Variants in CCDC57 observed in about 807,000 individuals in gnomAD.
CCDC57 encodes coiled-coil domain containing 57, also known as coiled-coil domain-containing protein 57.
A neutral mutation model predicts 118.9 loss-of-function variants in CCDC57; 118 were observed. The ratio of observed to expected loss-of-function variants is 0.99; its 90% CI spans 0.86 to 1.16. The LOEUF (loss-of-function observed/expected upper bound fraction) is 1.16, where lower values mean the gene tolerates loss of function less well. CCDC57 is among the 50% of genes most tolerant of loss of function. The pLI, the probability that CCDC57 is intolerant of heterozygous loss-of-function variation, is 0.00. For missense variants in CCDC57, 1,300 were observed against 1,320.7 expected, an observed-to-expected ratio of 0.98 and a Z score of 0.24; for synonymous variants, 527 against 532.9, an observed-to-expected ratio of 0.99 and a Z score of 0.15.
In CCDC57 at chr17:82,172,608, C is replaced by CCGCTCTGT. The variant is rs1470460597; in HGVS notation, c.1729+22_1729+29dup. 1.3e-6 allele frequency: 2 copies of CCGCTCTGT among 1,538,572 alleles called. No individual in the cohort carries two copies. The highest frequency in any genetic ancestry group is 1.8e-6 in the Non-Finnish European group (2 of 1,137,016). ...CTCCCTCCCTCTCCCCCTTCCTCTC[C>CCGCTCTGT]CGCTCTGTCCGTTTCTCCCACTTAC... On this transcript the variant is annotated intron_variant, in intron 12 of 19. Transcript: ENST00000665763. The surrounding 1 kb of genome is among the most constrained non-coding windows in gnomAD (Gnocchi z 5.2).
intron 11 of CCDC57, 82 bp downstream of exon 10, chr17:82,178,392 T>G (rs575186435): frequency 6.8e-7 from 1 of 1,470,972 alleles, no homozygotes; most frequent in East Asian, 2.4e-5. Context: ...AGCTCCAGTC[T>G]TGGTAGGATT....
chr17:82,177,205 T>A (rs1024377253), intron 11 of CCDC57, among the ~76,000 whole-genome samples: 6 of 151,286 alleles, frequency 4.0e-5, no homozygotes, highest in Admixed American at 6.6e-5. Context: ...AGAAACCCTG[T>A]CTCTACTAAA....
intron 15 of CCDC57, chr17:82,157,492 A>C: frequency 7.1e-7 from 1 of 1,413,130 alleles, no homozygotes; most frequent in Non-Finnish European, 9.2e-7. Context: ...GAGGACTGGG[A>C]TGGGCCCGTC....
chr17:82,161,863 T>C (rs1168637947), intron 14 of CCDC57, among the ~76,000 whole-genome samples: 1 of 152,080 alleles, frequency 6.6e-6, no homozygotes, highest in Non-Finnish European at 1.5e-5. Flanking sequence ...CACTGAAAGG[T>C]ACACTTTAAA....
chr17:82,199,932 TAGAG>T (rs979405315), intron 3 of CCDC57, among the ~76,000 whole-genome samples: 2 of 152,144 alleles, frequency 1.3e-5, no homozygotes, highest in Non-Finnish European at 2.9e-5. Context: ...CGAGATGCGA[TAGAG>T]AGAGGGACCA....
chr17:82,104,958 G>A (rs2034739509), intron 19 of CCDC57: 1 of 152,308 alleles, frequency 6.6e-6, no homozygotes, highest in South Asian at 2.1e-4. Flanking sequence ...AAAGAGGACG[G>A]AGCTGGTCCC....
intron 16 of CCDC57, among the ~76,000 whole-genome samples, chr17:82,140,735 T>C (rs1206112481): frequency 2.0e-5 from 3 of 152,146 alleles, no homozygotes; most frequent in Non-Finnish European, 4.4e-5. Context: ...AGCAGCCACT[T>C]GTAAGGAACC....
intron 13 of CCDC57, among the ~76,000 whole-genome samples, chr17:82,164,681 A>G (rs2043766561): frequency 6.6e-6 from 1 of 152,206 alleles, no homozygotes; most frequent in Admixed American, 6.5e-5. Flanking sequence ...GAAAATTTAG[A>G]TGAAATGGAC....
At chr17:82,179,696 G>A (rs945833247) in intron 9 of CCDC57, among the ~76,000 whole-genome samples, 13 of 152,072 alleles carry the variant, frequency 8.5e-5, no homozygotes, top group Non-Finnish European at 1.5e-4. Flanking sequence ...AGGAACCCGG[G>A]GGCTTCCTCC....
At chr17:82,183,242 G>A (rs1469057983) in intron 9 of CCDC57, among the ~76,000 whole-genome samples, 2 of 152,352 alleles carry the variant, frequency 1.3e-5, no homozygotes, top group South Asian at 2.1e-4. Flanking sequence ...ACTTGAATGT[G>A]TATGGGAAAT....
chr17:82,130,499 CTTTTTT>C lies in CCDC57; in HGVS notation c.2578-1908_2578-1903del, dbSNP rs35413191. On this transcript the variant is annotated intron_variant, in intron 17 of 19. Transcript: ENST00000665763. ...CGTGAGCCACCACACCCAGACAAAA[CTTTTTT>C]TTTTTTTTTTTTTTTGAGATGGAGT... Among the ~76,000 whole-genome samples the C allele has an allele frequency of 4.7e-3, 421 of 88,938 alleles. 4 individuals are homozygous for C. Among genetic ancestry groups the C allele is most frequent in the African/African-American group, 0.018 (398 of 22,024 alleles). The allele number at this position is 88,938 out of a possible 152,430, so 58.3% of individuals were successfully genotyped here.
At chr17:82,211,971 C>T (rs2050202737) in intron 1 of CCDC57, among the ~76,000 whole-genome samples, 1 of 152,178 alleles carries the variant, frequency 6.6e-6, no homozygotes, top group East Asian at 1.9e-4. Flanking sequence ...TATCTTTTAA[C>T]TTTTTGCCTA....
At chr17:82,171,627 T>G in intron 13 of CCDC57, 74 bp downstream of exon 12, 1 of 1,504,224 alleles carries the variant, frequency 6.6e-7, no homozygotes, top group East Asian at 2.3e-5. Flanking sequence ...ATATTTGCTA[T>G]GAGCGGACTT....
chr17:82,151,609 C>A (rs1265268350), exon 16 of CCDC57: 26 of 1,550,310 alleles, frequency 1.7e-5, no homozygotes, highest in Non-Finnish European at 2.0e-5. Flanking sequence ...TCTCGATGAG[C>A]TGCTCTTTCT....
intron 8 of CCDC57, among the ~76,000 whole-genome samples, chr17:82,185,978 T>C (rs1445283335): frequency 6.6e-6 from 1 of 152,160 alleles, no homozygotes. Flanking sequence ...GCTAGGACTA[T>C]AGGTGAGCAC....
chr17:82,163,629 A>G (rs1280272421), intron 13 of CCDC57, among the ~76,000 whole-genome samples: 2 of 152,182 alleles, frequency 1.3e-5, no homozygotes, highest in African/African-American at 2.4e-5. Flanking sequence ...ATAGAGACCA[A>G]TTGCTCCAGT....
At chr17:82,141,757 A>C (rs1454093967) in intron 16 of CCDC57, among the ~76,000 whole-genome samples, 1 of 152,126 alleles carries the variant, frequency 6.6e-6, no homozygotes, top group Non-Finnish European at 1.5e-5. Context: ...CGACATCCGC[A>C]CATTACCTGT....
At chr17:82,184,031 G>GCGCGCA in intron 8 of CCDC57, 99 bp from the exon 8 acceptor site, 342 of 131,788 alleles carry the variant, frequency 2.6e-3, no homozygotes, top group African/African-American at 6.6e-3. Flanking sequence ...GCGCGCGCGC[G>GCGCGCA]CACACACACA....
chr17:82,139,826 C>G (rs577704612), intron 16 of CCDC57, among the ~76,000 whole-genome samples: 2 of 152,296 alleles, frequency 1.3e-5, no homozygotes, highest in African/African-American at 4.8e-5. Flanking sequence ...GACTCAGTCT[C>G]TAGTCGAGAA....
Sources: allele counts gnomAD v4.1 joint callset (sites outside exome capture counted in the v4.1 genomes callset), GRCh38; gene constraint gnomAD v4.1.1; non-coding constraint Gnocchi (gnomAD v3.1); transcripts MANE v1.5; gene names NCBI Gene and HGNC (gene_info 2026-07-23, HGNC 2026-07-21).